Variants in ZNF582 observed in about 807,000 individuals in gnomAD.
ZNF582 encodes zinc finger protein 582.
In ZNF582, 14 loss-of-function variants were observed where a neutral mutation model predicts 12.3. The ratio of observed to expected loss-of-function variants is 1.14; its 90% CI spans 0.75 to 1.78. ZNF582 has a LOEUF of 1.78. Ranked by LOEUF, ZNF582 falls within the 40% of genes most tolerant of loss-of-function variation. The probability of loss-of-function intolerance (pLI) is 0.00; values close to 1 mark genes in which losing one functional copy is unlikely to be tolerated. For synonymous variants in ZNF582, 210 were observed against 207.2 expected, an observed-to-expected ratio of 1.01 and a Z score of -0.11; for missense variants, 567 against 616.5, an observed-to-expected ratio of 0.92 and a Z score of 0.85.
At chr19:56,384,883 T>G (rs1373359293) in exon 5 of ZNF582, 1 of 1,612,598 alleles carries the variant, frequency 6.2e-7, no homozygotes, top group Admixed American at 1.7e-5. Flanking sequence ...GCCAGAAGTC[T>G]TTTCTACATT....
chr19:56,389,863 C>T (rs949828102), intron 4 of ZNF582, 138 bp downstream of exon 4: 26 of 624,842 alleles, frequency 4.2e-5, no homozygotes, highest in Non-Finnish European at 6.7e-5. Context: ...ATGCTGCTGA[C>T]GAGCTGAGGA....
intron 4 of ZNF582, among the ~76,000 whole-genome samples, chr19:56,389,454 T>C (rs987268697): frequency 6.6e-6 from 1 of 152,114 alleles, no homozygotes; most frequent in African/African-American, 2.4e-5. Flanking sequence ...ATGTTCTCAC[T>C]TATAAGTGGG....
intron 4 of ZNF582, among the ~76,000 whole-genome samples, chr19:56,389,117 C>T (rs9636161): frequency 0.45 from 67,670 of 152,046 alleles, 16,111 homozygotes; most frequent in East Asian, 0.84. Flanking sequence ...TACCATGCAC[C>T]CTGACTGAAC....
At chr19:56,390,960 TG>T (rs2042009748) in intron 2 of ZNF582, among the ~76,000 whole-genome samples, 1 of 152,242 alleles carries the variant, frequency 6.6e-6, no homozygotes, top group South Asian at 2.1e-4. Flanking sequence ...AGGATTTTCA[TG>T]TAAGTCAAGA....
At chr19:56,393,097 G>GT (rs2042030122) in intron 1 of ZNF582, 123 bp downstream of exon 1, 2 of 828,402 alleles carry the variant, frequency 2.4e-6, no homozygotes, top group Non-Finnish European at 3.4e-6. Context: ...CTGGGGTCTT[G>GT]TAACTCTCTG....
intron 2 of ZNF582, among the ~76,000 whole-genome samples, chr19:56,391,422 T>C (rs2042012736): frequency 6.6e-6 from 1 of 152,134 alleles, no homozygotes; most frequent in Admixed American, 6.5e-5. Context: ...CAACACCACC[T>C]CCCCTGCTTT....
At chr19:56,383,965 T>C in exon 5 of ZNF582, 3 of 1,613,806 alleles carry the variant, frequency 1.9e-6, no homozygotes, top group Non-Finnish European at 2.5e-6. Context: ...AAGGCTTTTC[T>C]ACATTTATTA....
rs764572404 is a variant in ZNF582, at chr19:56,384,280, G to A, written c.1137C>T (p.Ser379=). Residue 379 remains serine (S), a synonymous_variant, in exon 5 of 5, where the codon AGC becomes AGT. Transcript: ENST00000586929. ...TTCTCTGATGTTGCTTGAGTTGTGA[G>A]CTCACTCTAAAGGCCTTTCCACATA... 1.1e-5 allele frequency: 17 copies of A among 1,613,758 alleles called. No homozygotes were observed. In the Admixed American group the frequency reaches 2.8e-4, roughly 27 times the overall value.
At chr19:56,391,896 T>C in intron 1 of ZNF582, 64 bp from the exon 2 acceptor site, 1 of 1,433,664 alleles carries the variant, frequency 7.0e-7, no homozygotes, top group Non-Finnish European at 9.7e-7. Flanking sequence ...AATGCCAAGT[T>C]ACAAGTCCCC....
chr19:56,390,001 C>T, exon 4 of ZNF582: 2 of 1,613,728 alleles, frequency 1.2e-6, no homozygotes, highest in South Asian at 2.2e-5. Flanking sequence ...CCTCACTCAC[C>T]TGGACACAGG....
exon 1 of ZNF582, chr19:56,393,512 G>C (rs1220219587): frequency 2.0e-6 from 1 of 498,844 alleles, no homozygotes; most frequent in Non-Finnish European, 4.0e-6. Context: ...TTCCACCACG[G>C]TACCGGTGGA....
chr19:56,390,587 G>A lies in ZNF582; in HGVS notation c.10-86C>T, dbSNP rs145633600. ...AGATGGGGCAGGTCTTTGCGGGAGG[G>A]GGGGTTGTTTTGTTGAACAAGAAGG... On this transcript the variant is annotated intron_variant, in intron 2 of 4. Transcript: ENST00000586929. 2.7e-6 allele frequency: 4 copies of A among 1,508,908 alleles called. No homozygotes were observed. In the East Asian group the frequency reaches 6.8e-5, roughly 26 times the overall value. The allele number at this position is 1,508,908 out of a possible 1,614,324, so 93.5% of individuals were successfully genotyped here. A position where few individuals can be genotyped will look rare whatever the true frequency, so the allele number is the denominator to read the frequency against.
chr19:56,393,315 G>T lies in ZNF582; in HGVS notation c.-176C>A, dbSNP rs1411725918. ...GGGCCGGCGGGAAATGTAGTCTCAC[G>T]CCGGTAAAGCCACAGAGCGACGATG... On this transcript the variant is annotated 5_prime_UTR_variant, in exon 1 of 5. Transcript: ENST00000586929. 4 of 1,187,828 alleles carry T rather than the reference G, an allele frequency of 3.4e-6. No homozygotes were observed. In the African/African-American group the frequency reaches 4.8e-5, roughly 14 times the overall value. The allele number at this position is 1,187,828 out of a possible 1,614,324, so 73.6% of individuals were successfully genotyped here.
chr19:56,390,399 T>C, exon 3 of ZNF582: 1 of 1,614,116 alleles, frequency 6.2e-7, no homozygotes, highest in Non-Finnish European at 8.5e-7. Flanking sequence ...TTGCTGTAGG[T>C]CTCCAACATC....
At chr19:56,390,008 C>A (rs375216792) in exon 4 of ZNF582, 3 of 1,613,860 alleles carry the variant, frequency 1.9e-6, no homozygotes, top group Non-Finnish European at 2.5e-6. Flanking sequence ...CACCTGGACA[C>A]AGGCCTCCAG....
At chr19:56,391,918 C>A in intron 1 of ZNF582, 86 bp from the exon 2 acceptor site, 1 of 1,131,126 alleles carries the variant, frequency 8.8e-7, no homozygotes, top group South Asian at 1.4e-5. Flanking sequence ...CCTGCTTGCC[C>A]TCTGCCCACC....
chr19:56,390,271 T>G (rs1028112476), intron 3 of ZNF582, 104 bp downstream of exon 3: 4 of 1,569,204 alleles, frequency 2.5e-6, no homozygotes, highest in South Asian at 2.3e-5. Context: ...CTTTAACCCC[T>G]CAAAAATGAC....
At chr19:56,385,182 A>C in exon 5 of ZNF582, 2 of 1,564,838 alleles carry the variant, frequency 1.3e-6, no homozygotes, top group Non-Finnish European at 1.7e-6. Context: ...CTGGACTCCA[A>C]TACTAAGAAT....
intron 1 of ZNF582, 129 bp from the exon 2 acceptor site, chr19:56,391,961 T>C (rs1420406354): frequency 7.9e-5 from 57 of 723,094 alleles, no homozygotes; most frequent in Non-Finnish European, 1.1e-5. Flanking sequence ...GGCAAAGGGA[T>C]CCTCACCCAA....
Sources: gnomAD v4.1 joint callset for allele counts (sites outside exome capture counted in the v4.1 genomes callset) on GRCh38, gnomAD v4.1.1 for gene constraint, MANE v1.5 for transcripts, NCBI Gene and HGNC (gene_info 2026-07-23, HGNC 2026-07-21) for gene names.